IRS2: variants seen among roughly 807,000 people sequenced by gnomAD.
IRS2 encodes insulin receptor substrate 2.
IRS2 carries 28 observed loss-of-function variants against 70.9 expected under a neutral mutation model. That is an observed-to-expected ratio of 0.39 (90% CI 0.29 to 0.54). IRS2 has a LOEUF of 0.54. Ranked by LOEUF, IRS2 falls within the 20% of genes least tolerant of loss-of-function variation. The pLI is 0.59. For synonymous variants in IRS2, 1,217 were observed against 981.9 expected, an observed-to-expected ratio of 1.24 and a Z score of -4.48; for missense variants, 2,081 against 2,024.1, an observed-to-expected ratio of 1.03 and a Z score of -0.54.
Position 109,785,271 on chromosome 13 carries a change from G to A in IRS2, c.783C>T (p.Arg261=), listed in dbSNP as rs771321040. The A allele has an allele frequency of 4.4e-6, 7 of 1,607,564 alleles. No homozygotes were observed. In the Admixed American group the frequency reaches 1.0e-4, roughly 23 times the overall value. The change falls in exon 1 of 2, where the codon CGC becomes CGT. Residue 261 remains arginine (R), a synonymous_variant. Coordinates refer to ENST00000375856, the MANE Select transcript of IRS2 (RefSeq NM_003749.3). The surrounding 1 kb of genome is among the most constrained non-coding windows in gnomAD (Gnocchi z 9.3). ...SDSFFFIEVG[R]SAVTGPGELW... ...GCTCGCCGGGGCCTGTGACGGCCGAGCGGCCCACCTCGATGAAGAAGAAGC... is the reference window on the plus strand; with the variant it reads ...GCTCGCCGGGGCCTGTGACGGCCGAACGGCCCACCTCGATGAAGAAGAAGC...
Position 109,782,588 on chromosome 13 carries a change from T to C in IRS2, c.3466A>G (p.Thr1156Ala). Residue 1156 changes from threonine to alanine, a missense_variant, in exon 1 of 2, where the codon ACG (threonine) becomes GCG (alanine). Physicochemically the swap from Thr to Ala is moderately conservative, Grantham distance 58 (BLOSUM62 0). Transcript: ENST00000375856. ...GACGGGGACACGGGGGTGACCGTCG[T>C]GGTGGAGGAGAAGGTCTCGGAACTG... ...RHSSETFSST[T>A]TVTPVSPSFA... The C allele has an allele frequency of 1.3e-6, 2 of 1,576,644 alleles. No homozygotes were observed. The highest frequency in any genetic ancestry group is 2.3e-5 in the East Asian group (1 of 43,338).
intron 1 of IRS2, among the ~76,000 whole-genome samples, chr13:109,777,809 G>A (rs1350650618): frequency 6.6e-6 from 1 of 152,180 alleles, no homozygotes; most frequent in Non-Finnish European, 1.5e-5. Flanking sequence ...TTACCATACT[G>A]TTTTCCCTAA....
intron 1 of IRS2, among the ~76,000 whole-genome samples, chr13:109,777,935 G>A (rs1257154189): frequency 6.6e-6 from 1 of 152,204 alleles, no homozygotes; most frequent in Non-Finnish European, 1.5e-5. Flanking sequence ...GGAGCCTGGA[G>A]CGGAACTAGC....
intron 1 of IRS2, among the ~76,000 whole-genome samples, chr13:109,777,048 G>T (rs1486455777): frequency 4.6e-5 from 7 of 152,096 alleles, no homozygotes; most frequent in Admixed American, 2.0e-4. Context: ...TATACATTCT[G>T]CTGTCATCCG....
chr13:109,775,753 AACAC>A (rs71127906), intron 1 of IRS2, among the ~76,000 whole-genome samples: 40,296 of 140,288 alleles, frequency 0.29, 5,732 homozygotes, highest in Middle Eastern at 0.46. Flanking sequence ...ATATTATGGA[AACAC>A]ACACACACAC....
Position 109,783,559 on chromosome 13 carries a change from C to T in IRS2, c.2495G>A (p.Arg832His), listed in dbSNP as rs780869475. The change falls in exon 1 of 2, where the codon CGC becomes CAC. Residue 832 changes from arginine to histidine, a missense_variant. Physicochemically the swap from Arg to His is conservative, Grantham distance 29. This residue lies in a region of IRS2 where 1,615 missense variants were observed against 1,459.5 expected (regional missense o/e 1.11). Transcript: ENST00000375856. The part of the protein sequence containing the change: ...QYVLMSSPVG[R>H]ILEEERLEPQ... ...CTCCAGACGCTCCTCCTCCAGGATG[C>T]GCCCCACGGGGGAGCTCATGAGCAC... The T allele has an allele frequency of 3.2e-6, 5 of 1,549,444 alleles. No homozygotes were observed. Among genetic ancestry groups the T allele is most frequent in the African/African-American group, 1.4e-5 (1 of 73,076 alleles).
intron 1 of IRS2, among the ~76,000 whole-genome samples, chr13:109,776,310 T>C (rs1877576928): frequency 6.6e-6 from 1 of 152,244 alleles, no homozygotes; most frequent in Non-Finnish European, 1.5e-5. Flanking sequence ...TGTATATAGA[T>C]ATCATATATG....
intron 1 of IRS2, among the ~76,000 whole-genome samples, chr13:109,776,577 C>G (rs556459835): frequency 6.6e-6 from 1 of 152,228 alleles, no homozygotes; most frequent in Non-Finnish European, 1.5e-5. Flanking sequence ...AAGCATCTTG[C>G]ATTATTTGCA....
rs774017101 is a variant in IRS2, at chr13:109,783,348, G to A, written c.2706C>T (p.Pro902=). Reference sequence around the variant, plus strand: ...GTGGCAGTGGGTACTCGTGCATGCTGGGCAGGCTGGGCAGCCCCTCCAGGG... The same window carrying A: ...GTGGCAGTGGGTACTCGTGCATGCTAGGCAGGCTGGGCAGCCCCTCCAGGG... ...RLSLEGLPSL[P]SMHEYPLPPE... is the part of the protein sequence containing the mutation. The change falls in exon 1 of 2, where the codon CCC becomes CCT. Residue 902 remains proline, a synonymous_variant. Transcript: ENST00000375856. The A allele has an allele frequency of 7.1e-6, 11 of 1,550,536 alleles. No homozygotes were observed. The highest frequency in any genetic ancestry group is 1.4e-5 in the African/African-American group (1 of 70,674).
rs2138937613 is a variant in IRS2, at chr13:109,785,151, C to T, written c.903G>A (p.Arg301=). The change falls in exon 1 of 2, where the codon CGG becomes CGA. Residue 301 remains arginine, a synonymous_variant. Coordinates refer to ENST00000375856, the MANE Select transcript of IRS2 (RefSeq NM_003749.3). This position sits in a 1 kb window ranked among gnomAD's most constrained non-coding sequence, Gnocchi z 9.3. The part of the protein sequence containing the change: ...MKALKELFEF[R]PRSKSQSSGS... ...CCGACGATTGGCTCTTACTGCGCGG[C>T]CGGAACTCGAAGAGCTCCTTGAGCG... 1 of 1,598,718 alleles carries T rather than the reference C, an allele frequency of 6.3e-7. No homozygotes were observed. The highest frequency in any genetic ancestry group is 8.5e-7 in the Non-Finnish European group (1 of 1,173,526).
At chr13:109,763,498 T>A (rs1877271816) in intron 1 of IRS2, among the ~76,000 whole-genome samples, 2 of 152,248 alleles carry the variant, frequency 1.3e-5, no homozygotes, top group Admixed American at 1.3e-4. Flanking sequence ...CATCCTACAC[T>A]AGCATTCTTC....
chr13:109,765,309 G>C (rs1481355704), intron 1 of IRS2, among the ~76,000 whole-genome samples: 1 of 152,184 alleles, frequency 6.6e-6, no homozygotes, highest in Non-Finnish European at 1.5e-5. Context: ...TCATTTACTG[G>C]AGAAGCAAAT....
intron 1 of IRS2, among the ~76,000 whole-genome samples, chr13:109,757,746 A>G (rs907348068): frequency 1.3e-5 from 2 of 152,130 alleles, no homozygotes; most frequent in African/African-American, 4.8e-5. Flanking sequence ...CAGTGGCATG[A>G]TCTTGGTTCA....
chr13:109,784,840 A>G lies in IRS2; in HGVS notation c.1214T>C (p.Leu405Pro). 8.1e-7 allele frequency: 1 copy of G among 1,239,286 alleles called. No individual in the cohort carries two copies. Among genetic ancestry groups the G allele is most frequent in the African/African-American group, 1.6e-5 (1 of 62,616 alleles). The allele number at this position is 1,239,286 out of a possible 1,614,324, so 76.8% of individuals were successfully genotyped here. ...CCCGCGGCCGCCGCAGCCGCCGCTC[A>G]GGGTGTGCGAGCGGCTCAGGGGCGC... ...VRAPLSRSHT[L>P]SGGCGGRGSK... Residue 405 changes from leucine to proline, a missense_variant, in exon 1 of 2, where the codon CTG (leucine) becomes CCG (proline). Leu to Pro is a moderately conservative substitution (Grantham distance 98, BLOSUM62 -3). Transcript: ENST00000375856. The surrounding 1 kb of genome is among the most constrained non-coding windows in gnomAD (Gnocchi z 5.2).
At chr13:109,757,480 A>C (rs951923587) in intron 1 of IRS2, among the ~76,000 whole-genome samples, 1 of 152,144 alleles carries the variant, frequency 6.6e-6, no homozygotes, top group Non-Finnish European at 1.5e-5. Flanking sequence ...ACTCAACAAG[A>C]CAGAAACTTC....
At chr13:109,758,969 G>T (rs138068503) in intron 1 of IRS2, among the ~76,000 whole-genome samples, 3,565 of 151,570 alleles carry the variant, frequency 0.024, 68 homozygotes, top group Middle Eastern at 0.1. Context: ...AGGAAGGAAG[G>T]GTTATTACAG....
Position 109,785,688 on chromosome 13 carries a change from G to A in IRS2, c.366C>T (p.Phe122=). The stretch of plus-strand genomic sequence containing the variant: ...CCTGCTCGTTCTCGGCGGCCACGGC[G>A]AAGTACTCGTCCTTGGTGTAGAGGG... ...LIALYTKDEY[F]AVAAENEQEQ... is the part of the protein sequence containing the mutation. The change falls in exon 1 of 2, where the codon TTC becomes TTT. Residue 122 remains phenylalanine, a synonymous_variant. Transcript: ENST00000375856. This position sits in a 1 kb window ranked among gnomAD's most constrained non-coding sequence, Gnocchi z 9.3. The A allele has an allele frequency of 1.3e-6, 2 of 1,599,806 alleles. No individual in the cohort carries two copies. The highest frequency in any genetic ancestry group is 1.7e-6 in the Non-Finnish European group (2 of 1,177,080).
At chr13:109,762,511 G>C (rs1877248260) in intron 1 of IRS2, among the ~76,000 whole-genome samples, 1 of 152,184 alleles carries the variant, frequency 6.6e-6, no homozygotes, top group South Asian at 2.1e-4. Flanking sequence ...CAGGAGCAGA[G>C]ACACCTGCAA....
At chr13:109,762,270 T>C (rs1421161725) in intron 1 of IRS2, among the ~76,000 whole-genome samples, 1 of 152,242 alleles carries the variant, frequency 6.6e-6, no homozygotes, top group African/African-American at 2.4e-5. Context: ...ACAGTATCGA[T>C]GATTCTTCTG....
Sources: allele counts gnomAD v4.1 joint callset (sites outside exome capture counted in the v4.1 genomes callset), GRCh38; gene constraint gnomAD v4.1.1; regional missense constraint gnomAD v4.1.1; non-coding constraint Gnocchi (gnomAD v3.1); transcripts MANE v1.5; gene names NCBI Gene and HGNC (gene_info 2026-07-23, HGNC 2026-07-21).